Variants in MAST4 observed in about 807,000 individuals in gnomAD.
The protein encoded by MAST4 is microtubule associated serine/threonine kinase family member 4.
A neutral mutation model predicts 162.7 loss-of-function variants in MAST4; 89 were observed. That is an observed-to-expected ratio of 0.55 (90% CI 0.46 to 0.65). MAST4 has a LOEUF of 0.65. Ranked by LOEUF, MAST4 falls within the 30% of genes least tolerant of loss-of-function variation. The pLI is 0.00. For missense variants in MAST4, 3,153 were observed against 3,374.0 expected (o/e 0.93, Z 1.62); for synonymous variants, 1,479 against 1,361.1 (o/e 1.09, Z -1.91).
chr5:66,848,899 C>T (rs1759092528), intron 3 of MAST4, among the ~76,000 whole-genome samples: 1 of 152,172 alleles, frequency 6.6e-6, no homozygotes, highest in Non-Finnish European at 1.5e-5. Flanking sequence ...GTGCTCATAT[C>T]AGAAAACTCT....
At chr5:66,948,937 AC>A (rs768828980) in intron 4 of MAST4, among the ~76,000 whole-genome samples, 2 of 151,870 alleles carry the variant, frequency 1.3e-5, no homozygotes, top group African/African-American at 2.4e-5. Flanking sequence ...TTTAATTCAC[AC>A]CCCCCCAACA....
At chr5:66,622,040 C>T (rs930189155) in intron 1 of MAST4, among the ~76,000 whole-genome samples, 1 of 152,086 alleles carries the variant, frequency 6.6e-6, no homozygotes, top group Non-Finnish European at 1.5e-5. Flanking sequence ...ATTTGACCCA[C>T]AGTCCTCCTT....
intron 1 of MAST4, among the ~76,000 whole-genome samples, chr5:66,635,799 A>G (rs1745071328): frequency 6.6e-6 from 1 of 150,980 alleles, no homozygotes; most frequent in African/African-American, 2.4e-5. Flanking sequence ...GAGATAGGGG[A>G]GATGTCTCTG....
At chr5:66,779,828 G>A (rs878840) in intron 2 of MAST4, among the ~76,000 whole-genome samples, 5,770 of 152,194 alleles carry the variant, frequency 0.038, 169 homozygotes, top group South Asian at 0.13. Flanking sequence ...GACTCTTTGC[G>A]GTCTTTGCCC....
intron 1 of MAST4, among the ~76,000 whole-genome samples, chr5:66,747,423 T>A (rs562911695): frequency 6.6e-6 from 1 of 152,312 alleles, no homozygotes; most frequent in Non-Finnish European, 1.5e-5. Context: ...ATCTAGTACA[T>A]CTTCTAGTTT....
At chr5:66,721,179 C>T (rs1751186019) in intron 1 of MAST4, among the ~76,000 whole-genome samples, 1 of 152,182 alleles carries the variant, frequency 6.6e-6, no homozygotes, top group South Asian at 2.1e-4. Context: ...TTAAGCTTCT[C>T]TTGCCCCCAC....
chr5:67,047,487 C>T (rs981010371), intron 4 of MAST4, among the ~76,000 whole-genome samples: 3 of 152,238 alleles, frequency 2.0e-5, no homozygotes, highest in South Asian at 2.1e-4. Context: ...GAGGCCTTTC[C>T]TGACCACCTG....
chr5:67,085,013 A>G (rs1763082397), intron 5 of MAST4, among the ~76,000 whole-genome samples: 1 of 152,206 alleles, frequency 6.6e-6, no homozygotes, highest in Admixed American at 6.5e-5. Context: ...GTGGACTATG[A>G]GCACATTTAA....
intron 4 of MAST4, among the ~76,000 whole-genome samples, chr5:66,996,285 A>AT (rs1750642659): frequency 6.6e-6 from 1 of 151,596 alleles, no homozygotes; most frequent in Non-Finnish European, 1.5e-5. Context: ...ATCTCAAAAA[A>AT]ATATATATAT....
intron 4 of MAST4, among the ~76,000 whole-genome samples, chr5:66,949,604 A>G (rs1249405087): frequency 6.6e-6 from 1 of 152,196 alleles, no homozygotes; most frequent in Non-Finnish European, 1.5e-5. Flanking sequence ...GTCTATTAGC[A>G]GAGTGAGAAC....
intron 2 of MAST4, among the ~76,000 whole-genome samples, chr5:66,760,123 ATTTT>A (rs869303995): frequency 1.4e-5 from 2 of 139,200 alleles, no homozygotes; most frequent in Admixed American, 7.3e-5. Flanking sequence ...TTATTTATTT[ATTTT>A]TTGAGACAGA....
At chr5:66,908,096 G>C (rs1037983793) in intron 4 of MAST4, among the ~76,000 whole-genome samples, 3 of 152,202 alleles carry the variant, frequency 2.0e-5, no homozygotes, top group Non-Finnish European at 2.9e-5. Context: ...TACATAAAAA[G>C]AGAATAGTGT....
chr5:67,158,398 AT>A (rs1263127541), intron 26 of MAST4, among the ~76,000 whole-genome samples: 1 of 152,058 alleles, frequency 6.6e-6, no homozygotes, highest in Non-Finnish European at 1.5e-5. Context: ...ATGAAAGTAT[AT>A]TGTCTTAAAC....
chr5:66,942,717 G>A (rs746324866), intron 4 of MAST4, among the ~76,000 whole-genome samples: 23 of 152,098 alleles, frequency 1.5e-4, no homozygotes, highest in Non-Finnish European at 3.2e-4. Flanking sequence ...CATGATCGAT[G>A]TCATGCTTCC....
At chr5:67,126,058 G>A (rs1010122876) in intron 14 of MAST4, among the ~76,000 whole-genome samples, 1 of 152,048 alleles carries the variant, frequency 6.6e-6, no homozygotes, top group African/African-American at 2.4e-5. Context: ...AGAAGTGTCT[G>A]TTCATATCCT....
At chr5:67,071,828 T>C (rs1280482634) in intron 5 of MAST4, among the ~76,000 whole-genome samples, 1 of 152,206 alleles carries the variant, frequency 6.6e-6, no homozygotes, top group Non-Finnish European at 1.5e-5. Flanking sequence ...AAAGATGAGT[T>C]ATAAAAGTAC....
chr5:66,656,520 C>G (rs1160601767), intron 1 of MAST4, among the ~76,000 whole-genome samples: 1 of 152,062 alleles, frequency 6.6e-6, no homozygotes, highest in Non-Finnish European at 1.5e-5. Context: ...ACAGGGTTAT[C>G]TGGTCTTTTG....
intron 4 of MAST4, among the ~76,000 whole-genome samples, chr5:66,946,578 C>G (rs1447443658): frequency 6.6e-6 from 1 of 152,092 alleles, no homozygotes; most frequent in Non-Finnish European, 1.5e-5. Flanking sequence ...CCCTTTTGTG[C>G]AGCTATTCAA....
intron 7 of MAST4, among the ~76,000 whole-genome samples, chr5:67,098,237 A>G (rs1376499422): frequency 1.3e-5 from 2 of 152,192 alleles, no homozygotes; most frequent in Non-Finnish European, 2.9e-5. Flanking sequence ...AAACTGCAAA[A>G]TTGCTAAATG....
Sources: gnomAD v4.1 joint callset for allele counts (sites outside exome capture counted in the v4.1 genomes callset) on GRCh38, gnomAD v4.1.1 for gene constraint, MANE v1.5 for transcripts, NCBI Gene and HGNC (gene_info 2026-07-23, HGNC 2026-07-21) for gene names.